Variants in PRH1 observed in about 807,000 individuals in gnomAD.
The protein encoded by PRH1 is proline rich protein HaeIII subfamily 1, also known as salivary acidic proline-rich phosphoprotein 1/2.
Under a neutral mutation model 7.9 loss-of-function variants are expected in PRH1, and 7 were observed. The ratio of observed to expected loss-of-function variants is 0.89; its 90% CI spans 0.50 to 1.67. The LOEUF (loss-of-function observed/expected upper bound fraction) is 1.67, where lower values mean the gene tolerates loss of function less well. Among genes scored for constraint, PRH1 ranks in the 40% most tolerant of loss-of-function variants. PRH1 has a pLI of 0.00. For missense variants in PRH1, 109 were observed against 223.6 expected (o/e 0.49, Z 3.27); for synonymous variants, 45 against 80.8 (o/e 0.56, Z 2.38).
chr12:10,965,086 A>G, intron 2 of PRH1: 1 of 1,255,122 alleles, frequency 8.0e-7, no homozygotes, highest in South Asian at 1.2e-5. Context: ...GGTTGGTTAC[A>G]GCCCAGGCAT....
chr12:11,073,737 A>C (rs7974461), intron 1 of PRH1, among the ~76,000 whole-genome samples: 148,589 of 152,070 alleles, frequency 0.98, 72,667 homozygotes, highest in Middle Eastern at 1. Context: ...CTGCCCATTG[A>C]GTCAGATGAT....
intron 1 of PRH1, among the ~76,000 whole-genome samples, chr12:11,168,518 A>C (rs1228787122): frequency 1.3e-5 from 2 of 152,120 alleles, no homozygotes; most frequent in Non-Finnish European, 2.9e-5. Flanking sequence ...TTCCTAATAC[A>C]AAAAAGTTTT....
chr12:11,150,871 C>A (rs910301854), intron 1 of PRH1, among the ~76,000 whole-genome samples: 1 of 152,088 alleles, frequency 6.6e-6, no homozygotes, highest in African/African-American at 2.4e-5. Context: ...ATCCTCTATA[C>A]CAGACTCCAT....
At chr12:10,995,707 A>AG (rs1237434661) in intron 1 of PRH1, among the ~76,000 whole-genome samples, 2 of 152,134 alleles carry the variant, frequency 1.3e-5, no homozygotes, top group African/African-American at 2.4e-5. Flanking sequence ...AGGAGCTCAG[A>AG]GGTGGCTTAG....
Position 10,881,010 on chromosome 12 carries a change from G to A in PRH1, c.*65C>T, listed in dbSNP as rs1591642039. 1 of 176,468 alleles carries A rather than the reference G, an allele frequency of 5.7e-6. No homozygotes were observed. Among genetic ancestry groups the A allele is most frequent in the Non-Finnish European group, 1.3e-5 (1 of 77,084 alleles). The allele number at this position is 176,468 out of a possible 1,614,324, so 10.9% of individuals were successfully genotyped here. ...TGGTATACTGAAGTTAGAGCATGAT[G>A]CCATGTTTCACGGCATTTGAAACAC... is the stretch of plus-strand genomic sequence containing the variant. On this transcript the variant is annotated 3_prime_UTR_variant, in exon 4 of 4. Transcript: ENST00000543626.
At chr12:10,929,266 T>C (rs748235713) in intron 2 of PRH1, 89 of 1,614,018 alleles carry the variant, frequency 5.5e-5, no homozygotes, top group Admixed American at 2.0e-4. Flanking sequence ...ACCAGAGCCT[T>C]CTGCAAGATG....
intron 1 of PRH1, among the ~76,000 whole-genome samples, chr12:11,105,080 T>TGATTAAA (rs1945371074): frequency 6.6e-6 from 1 of 152,016 alleles, no homozygotes; most frequent in African/African-American, 2.4e-5. Flanking sequence ...GTAATTATAC[T>TGATTAAA]GGAGATACTT....
chr12:11,037,899 G>A (rs578131240), intron 1 of PRH1, among the ~76,000 whole-genome samples: 2 of 151,940 alleles, frequency 1.3e-5, no homozygotes, highest in African/African-American at 4.8e-5. Context: ...AAAATCAGCA[G>A]GGTGTGGTGG....
intron 1 of PRH1, among the ~76,000 whole-genome samples, chr12:11,019,272 C>G (rs1239229528): frequency 1.3e-5 from 2 of 152,264 alleles, no homozygotes; most frequent in Admixed American, 6.5e-5. Flanking sequence ...CATCTGATGA[C>G]CACCATGCTG....
chr12:11,126,435 T>C (rs1946131694), intron 1 of PRH1, among the ~76,000 whole-genome samples: 1 of 152,108 alleles, frequency 6.6e-6, no homozygotes, highest in South Asian at 2.1e-4. Context: ...TTAACATTCT[T>C]TATAAACGTC....
chr12:10,903,931 C>CAAA (rs546066515), intron 2 of PRH1, among the ~76,000 whole-genome samples: 1,116 of 30,344 alleles, frequency 0.037, 11 homozygotes, highest in African/African-American at 0.049. Context: ...ACAATAGCCT[C>CAAA]AAAAAAAAAA....
intron 2 of PRH1, among the ~76,000 whole-genome samples, chr12:10,901,901 A>C (rs1467223538): frequency 1.3e-5 from 2 of 152,196 alleles, no homozygotes; most frequent in African/African-American, 4.8e-5. Flanking sequence ...TAGAAGTGCC[A>C]GTATTGCCAG....
At chr12:10,968,142 G>T (rs1403196118) in intron 2 of PRH1, among the ~76,000 whole-genome samples, 1 of 152,010 alleles carries the variant, frequency 6.6e-6, no homozygotes, top group Non-Finnish European at 1.5e-5. Context: ...TCATGAAATG[G>T]TTTATCTCTC....
intron 2 of PRH1, among the ~76,000 whole-genome samples, chr12:10,967,796 C>A (rs1938581771): frequency 6.6e-6 from 1 of 152,166 alleles, no homozygotes; most frequent in Admixed American, 6.5e-5. Context: ...CATGAATTAA[C>A]TTTTATTTTG....
intron 2 of PRH1, chr12:10,929,223 A>T: frequency 6.2e-7 from 1 of 1,612,308 alleles, no homozygotes; most frequent in Non-Finnish European, 8.5e-7. Flanking sequence ...AAGGGAGCTG[A>T]CACGTTTCTC....
At chr12:11,027,110 C>G (rs1393549458) in intron 1 of PRH1, among the ~76,000 whole-genome samples, 4 of 136,678 alleles carry the variant, frequency 2.9e-5, no homozygotes, top group Non-Finnish European at 4.9e-5. Flanking sequence ...ACAGAAAATA[C>G]AAAAATTAGC....
At chr12:11,004,433 A>G (rs1052942715) in intron 1 of PRH1, among the ~76,000 whole-genome samples, 1 of 152,052 alleles carries the variant, frequency 6.6e-6, no homozygotes, top group African/African-American at 2.4e-5. Flanking sequence ...GTGAACCCGG[A>G]GGCGGAGGTT....
intron 2 of PRH1, chr12:10,964,841 G>A (rs1200909322): frequency 1.3e-5 from 7 of 546,588 alleles, no homozygotes; most frequent in East Asian, 4.2e-5. Flanking sequence ...AAGGTGCGTC[G>A]GATCACTCAA....
intron 1 of PRH1, among the ~76,000 whole-genome samples, chr12:11,042,980 C>A (rs1253470840): frequency 7.2e-5 from 11 of 152,024 alleles, no homozygotes; most frequent in Admixed American, 7.2e-4. Flanking sequence ...CAGACAAAGA[C>A]ACATTGAAAA....
Sources: gnomAD v4.1 joint callset for allele counts (sites outside exome capture counted in the v4.1 genomes callset) on GRCh38, gnomAD v4.1.1 for gene constraint, MANE v1.5 for transcripts, NCBI Gene and HGNC (gene_info 2026-07-23, HGNC 2026-07-21) for gene names.